Variants in NPC1L1 observed in about 807,000 individuals in gnomAD.
The protein encoded by NPC1L1 is NPC1-like intracellular cholesterol transporter 1.
NPC1L1 carries 98 observed loss-of-function variants against 117.0 expected under a neutral mutation model. The ratio of observed to expected loss-of-function variants is 0.84; its 90% CI spans 0.71 to 0.99. NPC1L1 has a LOEUF of 0.99. Ranked by LOEUF, NPC1L1 falls within the 50% of genes least tolerant of loss-of-function variation. The probability of loss-of-function intolerance (pLI) is 0.00; values close to 1 mark genes in which losing one functional copy is unlikely to be tolerated. For missense variants in NPC1L1, 1,540 were observed against 1,710.0 expected (o/e 0.90, Z 1.75); for synonymous variants, 729 against 727.6 (o/e 1.00, Z -0.03).
At chr7:44,516,033 G>C in intron 17 of NPC1L1, 51 bp downstream of exon 17, 2 of 1,608,430 alleles carry the variant, frequency 1.2e-6, no homozygotes, top group Non-Finnish European at 1.7e-6. Context: ...GCATCAGGCA[G>C]GGCACAGGGT....
At chr7:44,529,542 T>C (rs1284785479) in intron 10 of NPC1L1, among the ~76,000 whole-genome samples, 19 of 151,566 alleles carry the variant, frequency 1.3e-4, no homozygotes, top group Non-Finnish European at 2.2e-4. Flanking sequence ...CCATGCCCAG[T>C]TAACTTTGTA....
At chr7:44,526,857 C>T (rs1302511335) in intron 10 of NPC1L1, among the ~76,000 whole-genome samples, 1 of 151,790 alleles carries the variant, frequency 6.6e-6, no homozygotes, top group African/African-American at 2.4e-5. Context: ...AACCCCGTCT[C>T]TATTAAAAAT....
intron 6 of NPC1L1, 40 bp from the exon 7 acceptor site, chr7:44,533,893 A>T: frequency 3.3e-6 from 5 of 1,534,752 alleles, no homozygotes; most frequent in Non-Finnish European, 4.4e-6. Flanking sequence ...GGGCCCTCCA[A>T]GGGCACCGCC....
rs753762715 is a variant in NPC1L1 at position 44,539,852 on chromosome 7, G to A, written c.545C>T (p.Thr182Met). 17 of 1,614,008 alleles carry A rather than the reference G, an allele frequency of 1.1e-5. No homozygotes were observed. The highest frequency in any genetic ancestry group is 4.5e-5 in the East Asian group (2 of 44,892). The change falls in exon 2 of 19, where the codon ACG becomes ATG. Residue 182 changes from threonine (T) to methionine (M), a missense_variant. Physicochemically the swap from Thr to Met is moderately conservative, Grantham distance 81. This residue lies in a region of NPC1L1 where 793 missense variants were observed against 820.4 expected (regional missense o/e 0.97). Transcript: ENST00000381160. The surrounding 1 kb of genome is among the most constrained non-coding windows in gnomAD (Gnocchi z 4.4). ...GCCACACATGGTGCCCACAGCCAGCGTGGCAGCTGCAGGGACGCGCACACG... is the reference window on the plus strand; with the variant it reads ...GCCACACATGGTGCCCACAGCCAGCATGGCAGCTGCAGGGACGCGCACACG... ...CSRVRVPAAA[T>M]LAVGTMCGVY...
chr7:44,513,178 C>G lies in NPC1L1; in HGVS notation c.*269G>C, dbSNP rs1801088516. On this transcript the variant is annotated 3_prime_UTR_variant, in exon 19 of 19. Coordinates refer to ENST00000381160, the MANE Select transcript of NPC1L1 (RefSeq NM_001101648.2). The stretch of plus-strand genomic sequence containing the variant: ...GGGACAAACATGGAGTGTGTCTGTT[C>G]CTGCCAACTTCCAGACCCAGGCCCA... 1 of 517,026 alleles carries G rather than the reference C, an allele frequency of 1.9e-6. No homozygotes were observed. The highest frequency in any genetic ancestry group is 3.2e-5 in the Admixed American group (1 of 31,368). The allele number at this position is 517,026 out of a possible 1,614,324, so 32.0% of individuals were successfully genotyped here.
In NPC1L1 at chr7:44,522,113, C is replaced by T; in HGVS notation, c.2767G>A (p.Ala923Thr). 6.2e-7 allele frequency: 1 copy of T among 1,614,002 alleles called. No homozygotes were observed. The highest frequency in any genetic ancestry group is 8.5e-7 in the Non-Finnish European group (1 of 1,179,956). ...GTGAAGGAGAAGTTGTTGCAGCCTG[C>T]ACTGGAGCAGATGGCATTCATCCCA... is the stretch of plus-strand genomic sequence containing the variant. ...EAGMNAICSS[A>T]GCNNFSFTQK... is the part of the protein sequence containing the mutation. The change falls in exon 11 of 19, where the codon GCA (alanine) becomes ACA (threonine). Residue 923 changes from alanine (A) to threonine (T), a missense_variant. Transcript: ENST00000381160.
chr7:44,515,106 C>T (rs1290449611), intron 18 of NPC1L1, among the ~76,000 whole-genome samples: 1 of 152,048 alleles, frequency 6.6e-6, no homozygotes, highest in Admixed American at 6.6e-5. Flanking sequence ...CACCTGTAAT[C>T]CTAGCACTGT....
In NPC1L1 at chr7:44,533,742, G is replaced by A; in HGVS notation, c.2278C>T (p.Leu760=). ...CSLSEAICFF[L]GALTPMPAVR... is the part of the protein sequence containing the mutation. ...GGGAGGTCTCACCCAGGCTCACCTA[G>A]GAAGAAGCAGATGGCCTCAGAGAGG... is the stretch of plus-strand genomic sequence containing the variant. The change falls in exon 7 of 19, where the codon CTA becomes TTA. Residue 760 remains leucine, a synonymous_variant. Coordinates refer to ENST00000381160, the MANE Select transcript of NPC1L1 (RefSeq NM_001101648.2). 6.2e-7 allele frequency: 1 copy of A among 1,613,984 alleles called. No individual in the cohort carries two copies. The highest frequency in any genetic ancestry group is 1.1e-5 in the South Asian group (1 of 91,060).
intron 10 of NPC1L1, among the ~76,000 whole-genome samples, chr7:44,528,965 G>T (rs766982572): frequency 1.3e-5 from 2 of 152,000 alleles, no homozygotes; most frequent in Non-Finnish European, 2.9e-5. Context: ...CAGCTACTCA[G>T]GAGGCTGAGG....
chr7:44,531,137 A>C (rs995259666), intron 10 of NPC1L1, among the ~76,000 whole-genome samples: 2 of 152,192 alleles, frequency 1.3e-5, no homozygotes, highest in Non-Finnish European at 2.9e-5. Context: ...CCGCTGATGC[A>C]TATCCAGAGG....
chr7:44,523,823 C>T (rs1030778997), intron 10 of NPC1L1, among the ~76,000 whole-genome samples: 2 of 152,190 alleles, frequency 1.3e-5, no homozygotes, highest in Non-Finnish European at 1.5e-5. Flanking sequence ...CCTATGATTG[C>T]ACCACTGCAC....
At position 44,539,827 on chromosome 7, in the gene NPC1L1, G is replaced by A. The variant is rs201068177; in HGVS notation, c.570C>T (p.Gly190=). The A allele has an allele frequency of 8.7e-5, 140 of 1,614,086 alleles. 2 individuals are homozygous for A. The Admixed American group carries it at 1.9e-3, about 22-fold the overall frequency. The part of the protein sequence containing the change: ...AATLAVGTMC[G]VYGSALCNAQ... ...CATTGCAAAGGGCAGAGCCATACAC[G>A]CCACACATGGTGCCCACAGCCAGCG... The change falls in exon 2 of 19, where the codon GGC becomes GGT. Residue 190 remains glycine (G), a synonymous_variant. Transcript: ENST00000381160. The surrounding 1 kb of genome is among the most constrained non-coding windows in gnomAD (Gnocchi z 4.4).
In NPC1L1 at chr7:44,516,861, C is replaced by A; in HGVS notation, c.3361G>T (p.Val1121Leu). 1 of 1,614,142 alleles carries A rather than the reference C, an allele frequency of 6.2e-7. No individual in the cohort carries two copies. The highest frequency in any genetic ancestry group is 8.5e-7 in the Non-Finnish European group (1 of 1,180,038). The change falls in exon 16 of 19, where the codon GTG (valine) becomes TTG (leucine). Residue 1121 changes from valine to leucine, a missense_variant. By Grantham distance (32) the Val-to-Leu change is conservative. Transcript: ENST00000381160. ...EGLFMLSLCL[V>L]PTFAVSCLLL... Reference sequence around the variant, plus strand: ...AGGCAGGAGACAGCGAAGGTGGGCACAAGGCAGAGGCTGAGCATGAAGAGC... The same window carrying A: ...AGGCAGGAGACAGCGAAGGTGGGCAAAAGGCAGAGGCTGAGCATGAAGAGC...
chr7:44,526,126 A>C (rs1801508218), intron 10 of NPC1L1, among the ~76,000 whole-genome samples: 1 of 152,168 alleles, frequency 6.6e-6, no homozygotes. Context: ...AGATCATGCC[A>C]CTGCACTCCA....
At chr7:44,537,396 G>A (rs1372950769) in intron 2 of NPC1L1, among the ~76,000 whole-genome samples, 1 of 152,160 alleles carries the variant, frequency 6.6e-6, no homozygotes, top group African/African-American at 2.4e-5. Context: ...TGTCTCAAAC[G>A]TTGCCCTCTC....
Position 44,534,411 on chromosome 7 carries a change from G to A in NPC1L1, c.2166+36C>T. On this transcript the variant is annotated intron_variant, in intron 6 of 18. Transcript: ENST00000381160. The surrounding 1 kb of genome is among the most constrained non-coding windows in gnomAD (Gnocchi z 5.2). Reference sequence around the variant, plus strand: ...AGGAGGTGAGGTTGGGAGAAGAGTGGGCAGTTGGGGGTGTGGAGAGCTCCT... The same window carrying A: ...AGGAGGTGAGGTTGGGAGAAGAGTGAGCAGTTGGGGGTGTGGAGAGCTCCT... 5 of 1,609,394 alleles carry A rather than the reference G, an allele frequency of 3.1e-6. No individual in the cohort carries two copies. Among genetic ancestry groups the A allele is most frequent in the Non-Finnish European group, 4.3e-6 (5 of 1,175,788 alleles).
chr7:44,515,666 A>G, intron 18 of NPC1L1, 137 bp downstream of exon 18: 1 of 1,040,718 alleles, frequency 9.6e-7, no homozygotes, highest in East Asian at 2.4e-5. Context: ...CAGAATTGCC[A>G]CATGGTCATA....
At chr7:44,519,029 CTTTT>C (rs1801277605) in intron 14 of NPC1L1, among the ~76,000 whole-genome samples, 2 of 113,790 alleles carry the variant, frequency 1.8e-5, no homozygotes, top group Middle Eastern at 7.6e-3. Context: ...CCCTTTCTTT[CTTTT>C]CTTTTCTTTT....
At chr7:44,537,724 G>A (rs988014255) in intron 2 of NPC1L1, among the ~76,000 whole-genome samples, 4 of 152,280 alleles carry the variant, frequency 2.6e-5, no homozygotes, top group Non-Finnish European at 4.4e-5. Context: ...TGGACCACCC[G>A]AGAGTTGTTG....
Sources: allele counts gnomAD v4.1 joint callset (sites outside exome capture counted in the v4.1 genomes callset), GRCh38; gene constraint gnomAD v4.1.1; regional missense constraint gnomAD v4.1.1; non-coding constraint Gnocchi (gnomAD v3.1); transcripts MANE v1.5; gene names NCBI Gene and HGNC (gene_info 2026-07-23, HGNC 2026-07-21).